The following CTTN variants were observed in gnomAD, a reference collection of about 807,000 sequenced individuals.
The protein encoded by CTTN is cortactin.
CTTN carries 28 observed loss-of-function variants against 84.0 expected under a neutral mutation model. The ratio of observed to expected loss-of-function variants is 0.33; its 90% confidence interval spans 0.25 to 0.46. The LOEUF (loss-of-function observed/expected upper bound fraction) is 0.46. Among genes scored for constraint, CTTN ranks in the 20% least tolerant of loss-of-function variants. The probability of loss-of-function intolerance (pLI) is 1.00; values close to 1 mark genes in which losing one functional copy is unlikely to be tolerated. For synonymous variants in CTTN, 301 were observed against 288.8 expected, an observed-to-expected ratio of 1.04 and a Z score of -0.43; for missense variants, 641 against 723.8, an observed-to-expected ratio of 0.89 and a Z score of 1.31.
chr11:70,409,641 T>G (rs112380211), intron 4 of CTTN, among the ~76,000 whole-genome samples, 190 bp from the exon 5 acceptor site: 21 of 152,372 alleles, frequency 1.4e-4, no homozygotes, highest in African/African-American at 5.0e-4. Flanking sequence ...TACTGCAGAC[T>G]GCCGAAGTGG....
chr11:70,428,616 CTT>C (rs763702275), intron 13 of CTTN, among the ~76,000 whole-genome samples: 1 of 152,226 alleles, frequency 6.6e-6, no homozygotes, highest in East Asian at 1.9e-4. Flanking sequence ...CCACTGCCCT[CTT>C]TTCCATTTTT....
At position 70,435,567 on chromosome 11, in the gene CTTN, G is replaced by A. The variant is rs1011772457; in HGVS notation, c.*405G>A. 5.8e-6 allele frequency: 9 copies of A among 1,562,672 alleles called. No individual in the cohort carries two copies. In the African/African-American group the frequency reaches 9.4e-5, roughly 16 times the overall value. The stretch of plus-strand genomic sequence containing the variant: ...GCACGAGGCCTCAGGTCGGCCCTGT[G>A]GCGGGTAGGCAGGAAGGACTGTCCC... On this transcript the variant is annotated 3_prime_UTR_variant, in exon 18 of 18. Coordinates refer to ENST00000301843, the MANE Select transcript of CTTN (RefSeq NM_005231.4).
intron 17 of CTTN, 36 bp downstream of exon 17, chr11:70,433,754 C>G (rs1455323299): frequency 7.1e-7 from 1 of 1,401,510 alleles, no homozygotes; most frequent in Non-Finnish European, 1.0e-6. Context: ...AGGGGAGACC[C>G]AGGCAGCTGC....
In CTTN at chr11:70,428,153, C is replaced by CTTTT. The variant is rs60189081; in HGVS notation, c.1028-870_1028-867dup. Among the ~76,000 whole-genome samples the CTTTT allele has an allele frequency of 1.1e-4, 7 of 62,616 alleles. No homozygotes were observed. In the East Asian group the frequency reaches 1.8e-3, roughly 16 times the overall value. 41.1% of individuals were successfully genotyped at this position (62,616 alleles called of 152,430 possible). On this transcript the variant is annotated intron_variant, in intron 13 of 17. Coordinates refer to ENST00000301843, the MANE Select transcript of CTTN (RefSeq NM_005231.4). ...CAGGGAAGGCTCATGTGTCTTCCCA[C>CTTTT]TTTTTTTTTTTTTTTTTTTTTTTTT...
chr11:70,422,830 C>T (rs551686145), intron 11 of CTTN, 110 bp from the exon 12 acceptor site: 35 of 1,563,878 alleles, frequency 2.2e-5, no homozygotes, highest in South Asian at 1.1e-4. Context: ...CGTTTCTTCC[C>T]GCTGTGGTGC....
chr11:70,403,064 T>C (rs997668359), intron 1 of CTTN, among the ~76,000 whole-genome samples: 1 of 152,198 alleles, frequency 6.6e-6, no homozygotes, highest in Non-Finnish European at 1.5e-5. Context: ...TTAATGACAT[T>C]GAACAAACTT....
At chr11:70,410,691 G>A (rs1400108400) in intron 5 of CTTN, among the ~76,000 whole-genome samples, 1 of 152,210 alleles carries the variant, frequency 6.6e-6, no homozygotes, top group Non-Finnish European at 1.5e-5. Flanking sequence ...GTGTTTGCAT[G>A]TTTCTTCAGT....
Position 70,419,795 on chromosome 11 carries a change from G to A in CTTN, c.618G>A (p.Val206=). The A allele has an allele frequency of 6.2e-7, 1 of 1,612,934 alleles. No individual in the cohort carries two copies. Among genetic ancestry groups the A allele is most frequent in the Non-Finnish European group, 8.5e-7 (1 of 1,179,798 alleles). ...AATACGGTATCGACAAGGACAAAGT[G>A]GATAAGAGCGCCGTTGGCTTTGAGT... ...GGKYGIDKDK[V]DKSAVGFEYQ... The change falls in exon 9 of 18, where the codon GTG becomes GTA. Residue 206 remains valine (V), a synonymous_variant. Transcript: ENST00000301843.
At chr11:70,421,794 G>A (rs1471625066) in intron 11 of CTTN, 1 of 551,202 alleles carries the variant, frequency 1.8e-6, no homozygotes, top group Non-Finnish European at 3.2e-6. Flanking sequence ...TGTGATCTGT[G>A]TATGGCAGGA....
At chr11:70,431,393 G>A (rs1489836760) in intron 15 of CTTN, 113 bp downstream of exon 15, 4 of 1,144,974 alleles carry the variant, frequency 3.5e-6, no homozygotes, top group Non-Finnish European at 5.2e-6. Flanking sequence ...GGGTGTAGAG[G>A]GCATCGCTGC....
rs1314219810 is a variant in CTTN at position 70,435,020 on chromosome 11, C to T, written c.1517-6C>T. The T allele has an allele frequency of 5.6e-6, 9 of 1,613,770 alleles. No homozygotes were observed. Among genetic ancestry groups the T allele is most frequent in the Non-Finnish European group, 7.6e-6 (9 of 1,179,914 alleles). ...TCAGCATCTTTCTCTGTGTTCTCTTCCCCAGCGGGCGATGATGAGATCTCA... is the reference window on the plus strand; with the variant it reads ...TCAGCATCTTTCTCTGTGTTCTCTTTCCCAGCGGGCGATGATGAGATCTCA... On this transcript the variant is annotated splice_polypyrimidine_tract_variant and splice_region_variant and intron_variant, in intron 17 of 17. Coordinates refer to ENST00000301843, the MANE Select transcript of CTTN (RefSeq NM_005231.4).
intron 12 of CTTN, among the ~76,000 whole-genome samples, chr11:70,424,849 C>T (rs1236038146): frequency 6.6e-6 from 1 of 152,102 alleles, no homozygotes; most frequent in Non-Finnish European, 1.5e-5. Flanking sequence ...TCTCCATGAG[C>T]CCTGACAGTC....
intron 1 of CTTN, 142 bp from the exon 2 acceptor site, chr11:70,405,123 C>T (rs2058028023): frequency 6.6e-6 from 1 of 152,240 alleles, no homozygotes; most frequent in African/African-American, 2.4e-5. Context: ...TTCCCATCCT[C>T]CTCTCAGATT....
chr11:70,424,894 C>T (rs915656703), intron 12 of CTTN, among the ~76,000 whole-genome samples: 9 of 152,140 alleles, frequency 5.9e-5, no homozygotes, highest in Non-Finnish European at 1.5e-5. Flanking sequence ...TCATCGCCGT[C>T]GCTTGGTCAG....
chr11:70,419,676 G>C, intron 8 of CTTN, 70 bp from the exon 9 acceptor site: 1 of 1,335,748 alleles, frequency 7.5e-7, no homozygotes, highest in East Asian at 2.3e-5. Flanking sequence ...TTTAATCAAA[G>C]GATAAAATAC....
At chr11:70,410,037 A>T (rs2058081860) in intron 5 of CTTN, 77 bp downstream of exon 5, 3 of 1,527,896 alleles carry the variant, frequency 2.0e-6, no homozygotes, top group Non-Finnish European at 2.7e-6. Flanking sequence ...GTCGTCCCTC[A>T]GTCTTTCCTT....
At chr11:70,420,549 G>A in intron 10 of CTTN, 39 bp downstream of exon 10, 1 of 1,482,784 alleles carries the variant, frequency 6.7e-7, no homozygotes, top group Middle Eastern at 1.7e-4. Flanking sequence ...GGTTTTAGAA[G>A]TTTGTTTTTG....
intron 2 of CTTN, among the ~76,000 whole-genome samples, chr11:70,406,502 T>A (rs189276027): frequency 6.6e-6 from 1 of 151,960 alleles, no homozygotes; most frequent in Non-Finnish European, 1.5e-5. Context: ...AAGGAATCAC[T>A]TCTTTTTATA....
chr11:70,421,615 AC>A, intron 11 of CTTN, 35 bp downstream of exon 11: 1 of 1,495,106 alleles, frequency 6.7e-7, no homozygotes, highest in Non-Finnish European at 9.3e-7. Flanking sequence ...CCTCCCCCCG[AC>A]CCTCCTGTGC....
Sources: allele counts gnomAD v4.1 joint callset (sites outside exome capture counted in the v4.1 genomes callset), GRCh38; gene constraint gnomAD v4.1.1; transcripts MANE v1.5; gene names NCBI Gene and HGNC (gene_info 2026-07-23, HGNC 2026-07-21).